Variants in CNTNAP4 observed in about 807,000 individuals in gnomAD.
The protein encoded by CNTNAP4 is contactin-associated protein-like 4.
A neutral mutation model predicts 148.4 loss-of-function variants in CNTNAP4; 98 were observed. That is an observed-to-expected ratio of 0.66 (90% CI 0.56 to 0.78). CNTNAP4 has a LOEUF of 0.78. Ranked by LOEUF, CNTNAP4 falls within the 30% of genes least tolerant of loss-of-function variation. CNTNAP4 has a pLI of 0.00. For synonymous variants in CNTNAP4, 730 were observed against 565.1 expected (o/e 1.29, Z -4.14); for missense variants, 1,935 against 1,565.6 (o/e 1.24, Z -3.98).
chr16:76,448,182 A>T lies in CNTNAP4; in HGVS notation c.709A>T (p.Arg237Ter). The stretch of plus-strand genomic sequence containing the variant: ...TGGAGATCACATCACACTGCAATTA[A>T]GAAGAGCAAGACTCTTTTTACTTAT... ...PNGDHITLQL[R>*]RARLFLLINS... The change falls in exon 5 of 24, where the codon AGA becomes TGA. Residue 237 changes from arginine to a stop codon, truncating the protein, a stop_gained. Transcript: ENST00000611870. LOFTEE classifies it high-confidence loss of function. The T allele has an allele frequency of 1.2e-6, 2 of 1,613,360 alleles. No individual in the cohort carries two copies. Among genetic ancestry groups the T allele is most frequent in the Non-Finnish European group, 1.7e-6 (2 of 1,179,418 alleles).
At chr16:76,504,976 G>A (rs2082789052) in intron 15 of CNTNAP4, among the ~76,000 whole-genome samples, 1 of 152,142 alleles carries the variant, frequency 6.6e-6, no homozygotes, top group African/African-American at 2.4e-5. Context: ...ACAAGTGCTA[G>A]TAAGGATTTA....
At chr16:76,479,298 C>G in intron 11 of CNTNAP4, 121 bp from the exon 12 acceptor site, 1 of 766,664 alleles carries the variant, frequency 1.3e-6, no homozygotes, top group Non-Finnish European at 1.9e-6. Context: ...TAAGTTTTGC[C>G]TTTTCTCCTG....
rs370067481 is a variant in CNTNAP4, at chr16:76,553,863, A to G, written c.3689A>G (p.Glu1230Gly). The G allele has an allele frequency of 1.7e-5, 28 of 1,612,332 alleles. No individual in the cohort carries two copies. In the African/African-American group the frequency reaches 3.5e-4, roughly 20 times the overall value. The stretch of plus-strand genomic sequence containing the variant: ...CATTCTGGAACAATAGATGACAGAG[A>G]GCCCCTTGCTAATGCAATCAAAAGT... ...ADHSGTIDDREPLANAIKSDS... is the reference protein window; with the variant it reads ...ADHSGTIDDRGPLANAIKSDS... Residue 1230 changes from glutamate to glycine, a missense_variant, in exon 23 of 24, where the codon GAG becomes GGG. Coordinates refer to ENST00000611870, the MANE Select transcript of CNTNAP4 (RefSeq NM_033401.5).
intron 3 of CNTNAP4, among the ~76,000 whole-genome samples, chr16:76,379,960 T>C (rs2015800589): frequency 6.6e-6 from 1 of 151,902 alleles, no homozygotes; most frequent in Non-Finnish European, 1.5e-5. Context: ...TGTGAAGTCC[T>C]TGACTACGAG....
intron 15 of CNTNAP4, among the ~76,000 whole-genome samples, chr16:76,517,729 T>G (rs1159058473): frequency 6.6e-6 from 1 of 152,172 alleles, no homozygotes; most frequent in East Asian, 1.9e-4. Flanking sequence ...TGGCTTTTAG[T>G]ATATCTACAT....
chr16:76,393,777 G>A (rs1053530379), intron 3 of CNTNAP4, among the ~76,000 whole-genome samples: 5 of 152,238 alleles, frequency 3.3e-5, no homozygotes, highest in Non-Finnish European at 5.9e-5. Flanking sequence ...TTCAGCCTGC[G>A]GTGCTATGAG....
chr16:76,529,938 G>C (rs1300098855), intron 17 of CNTNAP4, among the ~76,000 whole-genome samples: 1 of 151,576 alleles, frequency 6.6e-6, no homozygotes, highest in Non-Finnish European at 1.5e-5. Flanking sequence ...ATATGCATAG[G>C]CTAAGCACAG....
intron 3 of CNTNAP4, among the ~76,000 whole-genome samples, chr16:76,411,043 C>T (rs1245945096): frequency 2.0e-5 from 3 of 151,368 alleles, no homozygotes; most frequent in African/African-American, 7.3e-5. Context: ...TACATCCATA[C>T]ATACACTAGT....
At chr16:76,446,697 G>T (rs1174155275) in intron 4 of CNTNAP4, among the ~76,000 whole-genome samples, 2 of 152,066 alleles carry the variant, frequency 1.3e-5, no homozygotes, top group African/African-American at 4.8e-5. Flanking sequence ...ACAGAAAATA[G>T]TATTGCCCTT....
At chr16:76,382,374 A>G (rs969399010) in intron 3 of CNTNAP4, among the ~76,000 whole-genome samples, 1 of 152,174 alleles carries the variant, frequency 6.6e-6, no homozygotes, top group African/African-American at 2.4e-5. Context: ...TTACTGTTTT[A>G]GATCCCATTG....
chr16:76,539,951 CTT>C, intron 20 of CNTNAP4, 99 bp downstream of exon 20: 1 of 822,110 alleles, frequency 1.2e-6, no homozygotes, highest in African/African-American at 1.8e-5. Context: ...AGCAGAGACA[CTT>C]TCATTGGTCT....
chr16:76,367,247 C>A (rs1339006564), intron 3 of CNTNAP4, among the ~76,000 whole-genome samples: 1 of 151,658 alleles, frequency 6.6e-6, no homozygotes, highest in Non-Finnish European at 1.5e-5. Context: ...AAGTAGATAA[C>A]TTGTTTATAT....
intron 1 of CNTNAP4, among the ~76,000 whole-genome samples, chr16:76,314,260 C>T (rs939825708): frequency 1.3e-5 from 2 of 152,142 alleles, no homozygotes; most frequent in African/African-American, 4.8e-5. Flanking sequence ...GATCCCAATC[C>T]AGAGCCCAAG....
At chr16:76,486,917 A>G (rs776089967) in intron 12 of CNTNAP4, among the ~76,000 whole-genome samples, 6 of 152,154 alleles carry the variant, frequency 3.9e-5, no homozygotes, top group Non-Finnish European at 7.3e-5. Flanking sequence ...GGTATGAGAG[A>G]TTGATGCTGA....
chr16:76,328,530 A>G (rs1291049322), intron 2 of CNTNAP4, among the ~76,000 whole-genome samples: 3 of 152,250 alleles, frequency 2.0e-5, no homozygotes, highest in Admixed American at 2.0e-4. Context: ...CGTGGAACGC[A>G]GAAAGGACAT....
chr16:76,355,094 T>G (rs2012399933), intron 2 of CNTNAP4, among the ~76,000 whole-genome samples: 2 of 152,210 alleles, frequency 1.3e-5, no homozygotes, highest in African/African-American at 2.4e-5. Context: ...CTCCCAGTTT[T>G]AGAAGGCTAT....
chr16:76,430,225 G>A (rs1445082606), intron 4 of CNTNAP4, among the ~76,000 whole-genome samples: 7 of 152,128 alleles, frequency 4.6e-5, no homozygotes, highest in Non-Finnish European at 1.0e-4. Context: ...TAAAGAATAA[G>A]CATCTTCTGA....
chr16:76,431,254 C>T (rs1597511375), intron 4 of CNTNAP4, among the ~76,000 whole-genome samples: 1 of 152,250 alleles, frequency 6.6e-6, no homozygotes, highest in East Asian at 1.9e-4. Context: ...TATTTGAGTA[C>T]AGTCATTCAG....
At chr16:76,287,978 C>A (rs1440143893) in intron 1 of CNTNAP4, among the ~76,000 whole-genome samples, 1 of 152,016 alleles carries the variant, frequency 6.6e-6, no homozygotes, top group African/African-American at 2.4e-5. Flanking sequence ...CTGATCTTTC[C>A]ACTTTTGTCT....
Sources: gnomAD v4.1 joint callset for allele counts (sites outside exome capture counted in the v4.1 genomes callset) on GRCh38, gnomAD v4.1.1 for gene constraint, MANE v1.5 for transcripts, NCBI Gene and HGNC (gene_info 2026-07-23, HGNC 2026-07-21) for gene names.